SERPINB12: variants seen among roughly 807,000 people sequenced by gnomAD.
The protein encoded by SERPINB12 is serpin family B member 12, also known as serpin B12.
Under a neutral mutation model 41.1 loss-of-function variants are expected in SERPINB12, and 57 were observed. The observed-to-expected ratio is 1.39, with a 90% CI of 1.12 to 1.73. The LOEUF (loss-of-function observed/expected upper bound fraction) is 1.73, where lower values mean the gene tolerates loss of function less well. Among genes scored for constraint, SERPINB12 ranks in the 40% most tolerant of loss-of-function variants. The pLI is 0.00. For missense variants in SERPINB12, 536 were observed against 501.9 expected (o/e 1.07, Z -0.65); for synonymous variants, 180 against 181.3 (o/e 0.99, Z 0.06).
chr18:63,564,043 G>A lies in SERPINB12; in HGVS notation c.628G>A (p.Ala210Thr). Residue 210 changes from alanine (A) to threonine (T), a missense_variant, in exon 6 of 8, where the codon GCT (alanine) becomes ACT (threonine). Ala to Thr is a moderately conservative substitution (Grantham distance 58, BLOSUM62 0). Transcript: ENST00000382768. The stretch of plus-strand genomic sequence containing the variant: ...TGAGACTGTGCTGGTACTGGTGAAT[G>A]CTGTTTACTTCAAGGCCAAATGGGA... ...NAETVLVLVNAVYFKAKWETY... is the reference protein window; with the variant it reads ...NAETVLVLVNTVYFKAKWETY... 6.2e-7 allele frequency: 1 copy of A among 1,614,096 alleles called. No individual in the cohort carries two copies. Among genetic ancestry groups the A allele is most frequent in the Non-Finnish European group, 8.5e-7 (1 of 1,179,984 alleles).
At chr18:63,551,505 A>T (rs1203660065) in intron 1 of SERPINB12, among the ~76,000 whole-genome samples, 1 of 151,872 alleles carries the variant, frequency 6.6e-6, no homozygotes, top group African/African-American at 2.4e-5. Context: ...TTGTATTTTT[A>T]GTAGAAACGG....
intron 1 of SERPINB12, among the ~76,000 whole-genome samples, chr18:63,555,318 A>G (rs1910638597): frequency 1.3e-5 from 2 of 152,198 alleles, no homozygotes; most frequent in South Asian, 4.1e-4. Flanking sequence ...ATCCTCAGTC[A>G]CAGAGCAATG....
At position 63,568,718 on chromosome 18, in the gene SERPINB12, G is replaced by A. The variant is rs1911198276; in HGVS notation, c.*1707G>A. Among the ~76,000 whole-genome samples, 1 of 152,182 alleles carries A rather than the reference G, an allele frequency of 6.6e-6. No individual in the cohort carries two copies. Among genetic ancestry groups the A allele is most frequent in the African/African-American group, 2.4e-5 (1 of 41,438 alleles). On this transcript the variant is annotated 3_prime_UTR_variant, in exon 8 of 8. Transcript: ENST00000382768. The stretch of plus-strand genomic sequence containing the variant: ...TCCCAGCTGCCACCAGTCGTTCAGT[G>A]TGGCCACGCAGTTTTTTTGCAGAAG...
chr18:63,565,676 T>A, intron 7 of SERPINB12, 64 bp downstream of exon 7: 2 of 1,379,946 alleles, frequency 1.4e-6, no homozygotes, highest in South Asian at 1.5e-5. Flanking sequence ...AACAACACTG[T>A]CTACTATCTA....
At position 63,552,613 on chromosome 18, in the gene SERPINB12, G is replaced by A. The variant is rs150452544; in HGVS notation, c.-18-3529G>A. 7.3e-4 allele frequency among the ~76,000 whole-genome samples: 111 copies of A among 151,812 alleles called. 1 individual carries two copies. The East Asian group carries it at 0.018, about 24-fold the overall frequency. ...AAATTAATATCTTACTCTTCTATGC[G>A]TCTTAAACTCTACTCCTGAATCTGC... On this transcript the variant is annotated intron_variant, in intron 1 of 7. Transcript: ENST00000382768.
At chr18:63,542,830 T>C (rs1222052655) in intron 1 of SERPINB12, among the ~76,000 whole-genome samples, 2 of 152,128 alleles carry the variant, frequency 1.3e-5, no homozygotes, top group African/African-American at 4.8e-5. Flanking sequence ...TATCTGTTAT[T>C]CCTTTTTTAT....
intron 5 of SERPINB12, among the ~76,000 whole-genome samples, chr18:63,563,152 T>C (rs1345731532): frequency 1.3e-5 from 2 of 152,234 alleles, no homozygotes; most frequent in East Asian, 1.9e-4. Flanking sequence ...GATCAATTAA[T>C]TGATTAAGGT....
At chr18:63,551,575 A>G (rs1910532282) in intron 1 of SERPINB12, among the ~76,000 whole-genome samples, 1 of 152,074 alleles carries the variant, frequency 6.6e-6, no homozygotes, top group South Asian at 2.1e-4. Flanking sequence ...TTATCTTATG[A>G]TGTGATGTGA....
At chr18:63,546,523 C>A (rs988239257) in intron 1 of SERPINB12, among the ~76,000 whole-genome samples, 1 of 152,106 alleles carries the variant, frequency 6.6e-6, no homozygotes, top group Non-Finnish European at 1.5e-5. Context: ...TTTTGCAAAT[C>A]CTATGTAATA....
intron 1 of SERPINB12, among the ~76,000 whole-genome samples, chr18:63,543,360 G>A (rs748270684): frequency 3.3e-5 from 5 of 152,064 alleles, no homozygotes; most frequent in Non-Finnish European, 5.9e-5. Context: ...AGAGACCCTC[G>A]TAGTGGAATG....
intron 1 of SERPINB12, among the ~76,000 whole-genome samples, chr18:63,555,711 A>G (rs1910650593): frequency 6.6e-6 from 1 of 152,174 alleles, no homozygotes; most frequent in Admixed American, 6.5e-5. Flanking sequence ...CAGAGACTTG[A>G]GTGATTTGTC....
chr18:63,547,395 C>T (rs1374069839), intron 1 of SERPINB12, among the ~76,000 whole-genome samples: 5 of 150,872 alleles, frequency 3.3e-5, no homozygotes, highest in Non-Finnish European at 7.4e-5. Context: ...AAAACACTTT[C>T]GATGGTATTG....
At chr18:63,544,447 T>G (rs1358496131) in intron 1 of SERPINB12, among the ~76,000 whole-genome samples, 1 of 152,192 alleles carries the variant, frequency 6.6e-6, no homozygotes, top group Non-Finnish European at 1.5e-5. Context: ...ATTATTCTTA[T>G]TTTTTTAAGG....
chr18:63,542,213 C>A (rs114887225), upstream of SERPINB12, among the ~76,000 whole-genome samples: 1,243 of 152,166 alleles, frequency 8.2e-3, 18 homozygotes, highest in African/African-American at 0.028. Context: ...CATGGTGGAA[C>A]GGTTTGTTCT....
intron 7 of SERPINB12, among the ~76,000 whole-genome samples, chr18:63,565,959 A>G (rs560432894): frequency 1.3e-5 from 2 of 152,266 alleles, no homozygotes; most frequent in South Asian, 4.1e-4. Context: ...CCATTTTTCT[A>G]TAGCTCAGTT....
At chr18:63,563,620 G>A (rs907535746) in intron 5 of SERPINB12, among the ~76,000 whole-genome samples, 2 of 152,148 alleles carry the variant, frequency 1.3e-5, no homozygotes, top group Middle Eastern at 3.2e-3. Flanking sequence ...TTATTGGCCA[G>A]GCACGGTGGC....
intron 1 of SERPINB12, among the ~76,000 whole-genome samples, chr18:63,552,524 C>A (rs964492): frequency 0.079 from 11,974 of 152,194 alleles, 995 homozygotes; most frequent in East Asian, 0.29. Flanking sequence ...GTGTTATTAG[C>A]ATAATCAAAT....
chr18:63,564,641 C>T (rs1206999413), intron 6 of SERPINB12, among the ~76,000 whole-genome samples: 1 of 152,134 alleles, frequency 6.6e-6, no homozygotes, highest in Non-Finnish European at 1.5e-5. Context: ...ATTTAAGGTG[C>T]CTGGGGTTGT....
At chr18:63,523,991 G>A in the SERPINB12 span, among the ~76,000 whole-genome samples, 1 of 152,120 alleles carries the variant, frequency 6.6e-6, no homozygotes, top group Non-Finnish European at 1.5e-5. Context: ...AGTGAAGAAG[G>A]CAGCATTCTC....
Sources: gnomAD v4.1 joint callset for allele counts (sites outside exome capture counted in the v4.1 genomes callset) on GRCh38, gnomAD v4.1.1 for gene constraint, MANE v1.5 for transcripts, NCBI Gene and HGNC (gene_info 2026-07-23, HGNC 2026-07-21) for gene names.